SLC9C2: variants seen among roughly 807,000 people sequenced by gnomAD.
The protein encoded by SLC9C2 is solute carrier family 9 member C2 (putative).
Under a neutral mutation model 140.2 loss-of-function variants are expected in SLC9C2, and 75 were observed. That is an observed-to-expected ratio of 0.53 (90% CI 0.44 to 0.65). The LOEUF (loss-of-function observed/expected upper bound fraction) is 0.65, where lower values mean the gene tolerates loss of function less well. SLC9C2 is among the 30% of genes least tolerant of loss of function. SLC9C2 has a pLI of 0.00. For missense variants in SLC9C2, 1,074 were observed against 1,331.8 expected, an observed-to-expected ratio of 0.81 and a Z score of 3.01; for synonymous variants, 375 against 420.9, an observed-to-expected ratio of 0.89 and a Z score of 1.34.
chr1:173,523,389 GAATAA>G (rs1006454481), intron 21 of SLC9C2, among the ~76,000 whole-genome samples: 1 of 151,884 alleles, frequency 6.6e-6, no homozygotes, highest in African/African-American at 2.4e-5. Context: ...TAAATAAAAA[GAATAA>G]AATAAAAATT....
intron 9 of SLC9C2, among the ~76,000 whole-genome samples, chr1:173,565,252 T>A (rs930488307): frequency 1.3e-5 from 2 of 152,208 alleles, no homozygotes; most frequent in South Asian, 2.1e-4. Flanking sequence ...TTGCCTGCAC[T>A]TGTGGATTAT....
intron 22 of SLC9C2, among the ~76,000 whole-genome samples, chr1:173,519,848 TG>T (rs1294513075): frequency 2.0e-5 from 3 of 151,966 alleles, no homozygotes; most frequent in African/African-American, 7.2e-5. Flanking sequence ...AGTTTTCTCA[TG>T]TAAAAAATAG....
At chr1:173,523,823 C>T (rs2101957893) in intron 21 of SLC9C2, 146 bp downstream of exon 21, 1 of 1,049,364 alleles carries the variant, frequency 9.5e-7, no homozygotes, top group South Asian at 1.7e-5. Context: ...ATCTAGTCTT[C>T]CTCTAGGCTT....
chr1:173,553,742 TTGTGA>T (rs1351831398), intron 11 of SLC9C2, among the ~76,000 whole-genome samples: 9 of 152,256 alleles, frequency 5.9e-5, no homozygotes, highest in African/African-American at 2.2e-4. Flanking sequence ...ACTTGCTTTA[TTGTGA>T]TATTTATTGC....
At chr1:173,564,249 CTG>C (rs1369222653) in intron 9 of SLC9C2, among the ~76,000 whole-genome samples, 1 of 152,138 alleles carries the variant, frequency 6.6e-6, no homozygotes, top group Non-Finnish European at 1.5e-5. Flanking sequence ...TGATATAACT[CTG>C]TGTTTACTTT....
chr1:173,547,133 A>C (rs1212756747), intron 13 of SLC9C2, among the ~76,000 whole-genome samples: 1 of 152,176 alleles, frequency 6.6e-6, no homozygotes. Flanking sequence ...TATATTGAAT[A>C]AAATTTGTTC....
chr1:173,521,500 ATTTTATTATATATGTGTGTGTGTG>A, intron 21 of SLC9C2, 101 bp from the exon 22 acceptor site: 1 of 241,998 alleles, frequency 4.1e-6, no homozygotes, highest in Non-Finnish European at 7.7e-6. Context: ...TATATATATG[ATTTTATTATATATGTGTGTGTGTG>A]TATATATATA....
chr1:173,567,038 T>C (rs1664517150), intron 9 of SLC9C2, among the ~76,000 whole-genome samples: 2 of 152,080 alleles, frequency 1.3e-5, no homozygotes, highest in Admixed American at 1.3e-4. Context: ...AAATGCTTGA[T>C]ATTATTTCAG....
chr1:173,561,586 T>C (rs1664112273), intron 9 of SLC9C2, among the ~76,000 whole-genome samples: 1 of 152,046 alleles, frequency 6.6e-6, no homozygotes, highest in Non-Finnish European at 1.5e-5. Context: ...TGCTGATGAA[T>C]GGAGTATGGA....
In SLC9C2 at chr1:173,521,288, A is replaced by T. The variant is rs780224202; in HGVS notation, c.2739+13T>A. The T allele has an allele frequency of 1.4e-6, 2 of 1,410,392 alleles. No individual in the cohort carries two copies. Among genetic ancestry groups the T allele is most frequent in the South Asian group, 2.7e-5 (2 of 72,852 alleles). The allele number at this position is 1,410,392 out of a possible 1,614,324, so 87.4% of individuals were successfully genotyped here. On this transcript the variant is annotated intron_variant, in intron 22 of 27. Transcript: ENST00000367714. ...TTAAGTAAAAAAAAAAAAAAAAATC[A>T]ATAGTCCCTTACAATTGCCATTCCT...
At chr1:173,580,134 G>C (rs981000311) in intron 7 of SLC9C2, among the ~76,000 whole-genome samples, 9 of 149,692 alleles carry the variant, frequency 6.0e-5, no homozygotes, top group African/African-American at 2.2e-4. Context: ...GGAACCCTGA[G>C]TTGCAGTGTT....
chr1:173,511,404 T>A (rs1660049298), intron 23 of SLC9C2, among the ~76,000 whole-genome samples: 1 of 152,176 alleles, frequency 6.6e-6, no homozygotes, highest in South Asian at 2.1e-4. Context: ...GATTTGCATT[T>A]TTCTAATCAG....
At chr1:173,534,734 C>G in intron 15 of SLC9C2, 52 bp from the exon 16 acceptor site, 2 of 1,288,800 alleles carry the variant, frequency 1.6e-6, no homozygotes, top group Non-Finnish European at 2.0e-6. Context: ...TAATTAGCAG[C>G]TGAAGTTCAA....
At chr1:173,504,574 G>C (rs912768) in intron 26 of SLC9C2, among the ~76,000 whole-genome samples, 76,436 of 151,878 alleles carry the variant, frequency 0.5, 20,846 homozygotes, top group East Asian at 0.95. Context: ...GAGTTACAAA[G>C]CTAGAGTGTG....
At chr1:173,509,467 A>T in intron 24 of SLC9C2, 101 bp downstream of exon 24, 1 of 1,198,368 alleles carries the variant, frequency 8.3e-7, no homozygotes, top group Non-Finnish European at 1.1e-6. Flanking sequence ...AATCAAACAC[A>T]AATTTCCTTT....
intron 4 of SLC9C2, among the ~76,000 whole-genome samples, chr1:173,594,358 C>A (rs1236110809): frequency 2.0e-5 from 3 of 152,130 alleles, no homozygotes; most frequent in Non-Finnish European, 4.4e-5. Context: ...GATAAATATG[C>A]TAATTACCCT....
chr1:173,590,549 AATTAGGC>A (rs1323940820), intron 4 of SLC9C2, among the ~76,000 whole-genome samples: 2 of 152,204 alleles, frequency 1.3e-5, no homozygotes, highest in East Asian at 3.8e-4. Context: ...TTAATTTATA[AATTAGGC>A]ACAGTAAAAG....
At chr1:173,531,102 C>T (rs766448607) in intron 17 of SLC9C2, among the ~76,000 whole-genome samples, 10 of 152,180 alleles carry the variant, frequency 6.6e-5, no homozygotes, top group Non-Finnish European at 1.3e-4. Context: ...CTGACAATGG[C>T]TATGAGCCAC....
intron 13 of SLC9C2, among the ~76,000 whole-genome samples, chr1:173,544,829 G>A (rs916081999): frequency 3.9e-5 from 6 of 152,100 alleles, no homozygotes; most frequent in Non-Finnish European, 8.8e-5. Flanking sequence ...GACACAGGGC[G>A]GGGAACATCA....
Sources: allele counts gnomAD v4.1 joint callset (sites outside exome capture counted in the v4.1 genomes callset), GRCh38; gene constraint gnomAD v4.1.1; transcripts MANE v1.5; gene names NCBI Gene and HGNC (gene_info 2026-07-23, HGNC 2026-07-21).